Variants in OTOF observed in about 807,000 individuals in gnomAD.
OTOF encodes the protein fer-1-like family member 2.
A neutral mutation model predicts 236.8 loss-of-function variants in OTOF; 218 were observed. That is an observed-to-expected ratio of 0.92 (90% CI 0.82 to 1.03). The LOEUF (loss-of-function observed/expected upper bound fraction) is 1.03, where lower values mean the gene tolerates loss of function less well. Ranked by LOEUF, OTOF falls within the 50% of genes least tolerant of loss-of-function variation. OTOF has a pLI of 0.00. For missense variants in OTOF, 2,590 were observed against 2,694.4 expected, an observed-to-expected ratio of 0.96 and a Z score of 0.86; for synonymous variants, 1,041 against 1,072.5, an observed-to-expected ratio of 0.97 and a Z score of 0.57.
chr2:26,460,746 C>T lies in OTOF; in HGVS notation c.5714G>A (p.Gly1905Asp). The T allele has an allele frequency of 6.2e-7, 1 of 1,613,992 alleles. No homozygotes were observed. The highest frequency in any genetic ancestry group is 8.5e-7 in the Non-Finnish European group (1 of 1,179,918). ...TAAATGCAGCTCAGCCTCCACCTTGCCCTGCAGAGGACAGACAGGTCCCAG... is the reference window on the plus strand; with the variant it reads ...TAAATGCAGCTCAGCCTCCACCTTGTCCTGCAGAGGACAGACAGGTCCCAG... Reference protein sequence around the residue: ...RNENDEFELTGKVEAELHLLT... With the variant: ...RNENDEFELTDKVEAELHLLT... Residue 1905 changes from glycine to aspartate, a missense_variant and splice_region_variant, in exon 45 of 47, where the codon GGC becomes GAC. Coordinates refer to ENST00000272371, the MANE Select transcript of OTOF (RefSeq NM_194248.3). This position sits in a 1 kb window ranked among gnomAD's most constrained non-coding sequence, Gnocchi z 5.3.
chr2:26,525,920 C>T (rs1232051750), intron 3 of OTOF, among the ~76,000 whole-genome samples: 2 of 151,920 alleles, frequency 1.3e-5, no homozygotes, highest in South Asian at 4.1e-4. Context: ...AACCCCATCT[C>T]TACTAAAAAT....
chr2:26,491,580 G>C (rs1665841726), intron 9 of OTOF, among the ~76,000 whole-genome samples: 1 of 152,208 alleles, frequency 6.6e-6, no homozygotes, highest in Admixed American at 6.5e-5. Context: ...GGTTCTTTGA[G>C]CTGTAGAAAG....
chr2:26,494,052 T>C (rs1007849161), intron 9 of OTOF, among the ~76,000 whole-genome samples: 1 of 152,228 alleles, frequency 6.6e-6, no homozygotes, highest in South Asian at 2.1e-4. Context: ...TGGGGTCCCA[T>C]CTGGAGCCTG....
Sources: gnomAD v4.1 joint callset for allele counts (sites outside exome capture counted in the v4.1 genomes callset) on GRCh38, gnomAD v4.1.1 for gene constraint, Gnocchi (gnomAD v3.1) non-coding constraint, MANE v1.5 for transcripts, NCBI Gene and HGNC (gene_info 2026-07-23, HGNC 2026-07-21) for gene names.